VWA7: variants seen among roughly 807,000 people sequenced by gnomAD.
VWA7 encodes the protein von Willebrand factor A domain containing 7, also known as von Willebrand factor A domain-containing protein 7.
Under a neutral mutation model 83.1 loss-of-function variants are expected in VWA7, and 66 were observed. That is an observed-to-expected ratio of 0.79 (90% CI 0.65 to 0.98). The LOEUF (loss-of-function observed/expected upper bound fraction) is 0.98. Among genes scored for constraint, VWA7 ranks in the 50% least tolerant of loss-of-function variants. VWA7 has a pLI of 0.00. For synonymous variants in VWA7, 424 were observed against 488.5 expected (o/e 0.87, Z 1.74); for missense variants, 1,080 against 1,160.2 (o/e 0.93, Z 1.00).
rs749663529 is a variant in VWA7 at position 31,766,011 on chromosome 6, C to A, written c.2371G>T (p.Glu791Ter). Reference protein sequence around the residue: ...NESAWGRLWLEVPDSAAPDSV... With the variant: ...NESAWGRLWL Reference sequence around the variant, plus strand: ...TCCGGGGCCGCTGAATCTGGGACCTCCAGCCACAGGCGGCCCCAGGCCGAC... The same window carrying A: ...TCCGGGGCCGCTGAATCTGGGACCTACAGCCACAGGCGGCCCCAGGCCGAC... Residue 791 changes from glutamate to a stop codon, truncating the protein, a stop_gained, in exon 16 of 17, where the codon GAG becomes TAG. Coordinates refer to ENST00000375688, the MANE Select transcript of VWA7 (RefSeq NM_025258.3). LOFTEE classifies it high-confidence loss of function. The surrounding 1 kb of genome is among the most constrained non-coding windows in gnomAD (Gnocchi z 4.9). 15 of 1,612,796 alleles carry A rather than the reference C, an allele frequency of 9.3e-6. No individual in the cohort carries two copies. Among genetic ancestry groups the A allele is most frequent in the Non-Finnish European group, 1.2e-5 (14 of 1,180,038 alleles).
chr6:31,774,907 C>T (rs1254341267), intron 4 of VWA7, among the ~76,000 whole-genome samples: 1 of 152,036 alleles, frequency 6.6e-6, no homozygotes, highest in East Asian at 1.9e-4. Flanking sequence ...GAGCAGCCTG[C>T]GCCACACAGT....
rs1812651473 is a variant in VWA7 at position 31,776,021 on chromosome 6, C to T, written c.456G>A (p.Arg152=). ...GGCGAGCCAGGGTGTGGTCAAGGGC[C>T]CTGGCTGCCACCACGGTCTCCCGCA... ...GALRETVVAA[R]ALDHTLARQR... is the part of the protein sequence containing the mutation. Residue 152 remains arginine, a synonymous_variant, in exon 3 of 17, where the codon AGG becomes AGA. Coordinates refer to ENST00000375688, the MANE Select transcript of VWA7 (RefSeq NM_025258.3). This position sits in a 1 kb window ranked among gnomAD's most constrained non-coding sequence, Gnocchi z 6.2. 2 of 1,613,366 alleles carry T rather than the reference C, an allele frequency of 1.2e-6. No homozygotes were observed. Among genetic ancestry groups the T allele is most frequent in the Non-Finnish European group, 1.7e-6 (2 of 1,179,998 alleles).
chr6:31,766,376 G>T lies in VWA7; in HGVS notation c.2193C>A (p.Gly731=), dbSNP rs2151389271. 1 of 1,599,304 alleles carries T rather than the reference G, an allele frequency of 6.3e-7. No individual in the cohort carries two copies. The highest frequency in any genetic ancestry group is 1.1e-5 in the South Asian group (1 of 89,240). ...TGCCCGGGGCCAAGAAACCCGAGGGGCCACTAAGCTGCAGAGAAGGGTTCT... is the reference window on the plus strand; with the variant it reads ...TGCCCGGGGCCAAGAAACCCGAGGGTCCACTAAGCTGCAGAGAAGGGTTCT... ...TVVPVLLELS[G]PSGFLAPGSK... is the part of the protein sequence containing the mutation. Residue 731 remains glycine, a synonymous_variant, in exon 15 of 17, where the codon GGC becomes GGA. Coordinates refer to ENST00000375688, the MANE Select transcript of VWA7 (RefSeq NM_025258.3). The surrounding 1 kb of genome is among the most constrained non-coding windows in gnomAD (Gnocchi z 4.9).
At position 31,766,336 on chromosome 6, in the gene VWA7, T is replaced by C. The variant is rs1359593042; in HGVS notation, c.2233A>G (p.Ser745Gly). 9.3e-6 allele frequency: 15 copies of C among 1,609,556 alleles called. No homozygotes were observed. The highest frequency in any genetic ancestry group is 2.7e-5 in the African/African-American group (2 of 74,910). Residue 745 changes from serine (S) to glycine (G), a missense_variant, in exon 15 of 17, where the codon AGT becomes GGT. By Grantham distance (56) the Ser-to-Gly change is moderately conservative. Coordinates refer to ENST00000375688, the MANE Select transcript of VWA7 (RefSeq NM_025258.3). The surrounding 1 kb of genome is among the most constrained non-coding windows in gnomAD (Gnocchi z 4.9). ...CCCGAGAAGCTGGCGATGCGGAGAC[T>C]GAGCGGGACTTTGCTGCCCGGGGCC... Reference protein sequence around the residue: ...FLAPGSKVPLSLRIASFSGPQ... With the variant: ...FLAPGSKVPLGLRIASFSGPQ...
chr6:31,770,188 T>A, intron 7 of VWA7, 75 bp from the exon 8 acceptor site: 1 of 1,197,832 alleles, frequency 8.3e-7, no homozygotes, highest in Non-Finnish European at 1.2e-6. Flanking sequence ...ACCTCCCCAG[T>A]TGAGGGGCCT....
At position 31,770,038 on chromosome 6, in the gene VWA7, C is replaced by A. The variant is rs142871734; in HGVS notation, c.1163G>T (p.Gly388Val). ...QQLNEIHALG[G>V]GDEPEMCLSA... ...CAGGCACATCTCAGGCTCGTCTCCA[C>A]CCCCCAAGGCATGGATCTCATTAAG... Residue 388 changes from glycine (G) to valine (V), a missense_variant, in exon 8 of 17, where the codon GGT (glycine) becomes GTT (valine). Transcript: ENST00000375688. 890 of 1,612,750 alleles carry A rather than the reference C, an allele frequency of 5.5e-4. 5 individuals carry two copies. The African/African-American group carries it at 0.011, about 19-fold the overall frequency.
At position 31,776,157 on chromosome 6, in the gene VWA7, A is replaced by ACCT; in HGVS notation, c.317_319dup (p.Glu106dup). On this transcript the variant is annotated inframe_insertion, in exon 3 of 17. Coordinates refer to ENST00000375688, the MANE Select transcript of VWA7 (RefSeq NM_025258.3). This position sits in a 1 kb window ranked among gnomAD's most constrained non-coding sequence, Gnocchi z 6.2. ...GTCCTGGGCTGCATTGGCACGAGACACCTCACCTAAGGCTGCTCGGAACCG... is the reference window on the plus strand; with the variant it reads ...GTCCTGGGCTGCATTGGCACGAGACACCTCCTCACCTAAGGCTGCTCGGAACCG... 6.2e-7 allele frequency: 1 copy of ACCT among 1,613,900 alleles called. No individual in the cohort carries two copies. The highest frequency in any genetic ancestry group is 2.2e-5 in the East Asian group (1 of 44,876).
Position 31,775,253 on chromosome 6 carries a change from C to A in VWA7, c.610+80G>T. The A allele has an allele frequency of 7.8e-7, 1 of 1,274,412 alleles. No individual in the cohort carries two copies. The highest frequency in any genetic ancestry group is 1.1e-6 in the Non-Finnish European group (1 of 914,746). The allele number at this position is 1,274,412 out of a possible 1,614,324, so 78.9% of individuals were successfully genotyped here. The stretch of plus-strand genomic sequence containing the variant: ...TTAAGTAACATCATACCCTCTGGGA[C>A]TTCAGAATGTGACACAGTGGCTGGG... On this transcript the variant is annotated intron_variant, in intron 4 of 16. Coordinates refer to ENST00000375688, the MANE Select transcript of VWA7 (RefSeq NM_025258.3). This position sits in a 1 kb window ranked among gnomAD's most constrained non-coding sequence, Gnocchi z 5.9.
rs2151406313 is a variant in VWA7 at position 31,774,430 on chromosome 6, GCAAAGGCAT to G, written c.721+77_721+85del. 6 of 1,293,094 alleles carry G rather than the reference GCAAAGGCAT, an allele frequency of 4.6e-6. No homozygotes were observed. The East Asian group carries it at 7.3e-5, about 16-fold the overall frequency. The allele number at this position is 1,293,094 out of a possible 1,614,324, so 80.1% of individuals were successfully genotyped here. A position where few individuals can be genotyped will look rare whatever the true frequency, so the allele number is the denominator to read the frequency against. The stretch of plus-strand genomic sequence containing the variant: ...TCTCCTCCTAGGAGGAGATGCCATA[GCAAAGGCAT>G]ACGGGCCTACAGGACAGAGATCCTG... On this transcript the variant is annotated intron_variant, in intron 5 of 16. Transcript: ENST00000375688.
In VWA7 at chr6:31,777,054, C is replaced by T. The variant is rs769875281; in HGVS notation, c.-16+55G>A. The T allele has an allele frequency of 3.7e-5, 15 of 409,500 alleles. No individual in the cohort carries two copies. The highest frequency in any genetic ancestry group is 5.6e-5 in the Non-Finnish European group (13 of 231,634). 25.4% of individuals were successfully genotyped at this position (409,500 alleles called of 1,614,324 possible). On this transcript the variant is annotated intron_variant, in intron 1 of 16. Coordinates refer to ENST00000375688, the MANE Select transcript of VWA7 (RefSeq NM_025258.3). This position sits in a 1 kb window ranked among gnomAD's most constrained non-coding sequence, Gnocchi z 5.8. Reference sequence around the variant, plus strand: ...TCCCTGGCTGCGTCCCCAGCCCTGCCGCAGAAACACTCCCCATGCTCAGGA... The same window carrying T: ...TCCCTGGCTGCGTCCCCAGCCCTGCTGCAGAAACACTCCCCATGCTCAGGA...
At position 31,776,311 on chromosome 6, in the gene VWA7, A is replaced by C. The variant is rs1812685523; in HGVS notation, c.235-69T>G. 197 of 1,545,852 alleles carry C rather than the reference A, an allele frequency of 1.3e-4. No homozygotes were observed. The highest frequency in any genetic ancestry group is 1.6e-4 in the Non-Finnish European group (184 of 1,141,530). Reference sequence around the variant, plus strand: ...GATTGACTGTTGCCCACCTTATCTCAGCAACTGACACTCAAGGCTGGGTAT... The same window carrying C: ...GATTGACTGTTGCCCACCTTATCTCCGCAACTGACACTCAAGGCTGGGTAT... On this transcript the variant is annotated intron_variant, in intron 2 of 16. Coordinates refer to ENST00000375688, the MANE Select transcript of VWA7 (RefSeq NM_025258.3). The surrounding 1 kb of genome is among the most constrained non-coding windows in gnomAD (Gnocchi z 6.2).
rs745477260 is a variant in VWA7 at position 31,766,622 on chromosome 6, C to G, written c.2025G>C (p.Val675=). The G allele has an allele frequency of 1.2e-6, 2 of 1,612,940 alleles. No homozygotes were observed. Among genetic ancestry groups the G allele is most frequent in the Non-Finnish European group, 1.7e-6 (2 of 1,180,034 alleles). ...CGAGGAGACCTCGCTCCGGAGGTCCCACGGGCTCCAAGGGCACCTGGCCTA... is the reference window on the plus strand; with the variant it reads ...CGAGGAGACCTCGCTCCGGAGGTCCGACGGGCTCCAAGGGCACCTGGCCTA... ...AELGQVPLEP[V]GPPERGLLAA... Residue 675 remains valine, a synonymous_variant, in exon 14 of 17, where the codon GTG becomes GTC. Coordinates refer to ENST00000375688, the MANE Select transcript of VWA7 (RefSeq NM_025258.3). This position sits in a 1 kb window ranked among gnomAD's most constrained non-coding sequence, Gnocchi z 4.9.
At position 31,766,777 on chromosome 6, in the gene VWA7, C is replaced by G. The variant is rs1427683350; in HGVS notation, c.1883-13G>C. On this transcript the variant is annotated splice_polypyrimidine_tract_variant and intron_variant, in intron 13 of 16. Coordinates refer to ENST00000375688, the MANE Select transcript of VWA7 (RefSeq NM_025258.3). The surrounding 1 kb of genome is among the most constrained non-coding windows in gnomAD (Gnocchi z 4.9). ...TGGGTCTGAAGACCTGGGACAGGGG[C>G]GAGGAGGGGAGAACATTGTGAGATT... 1 of 1,587,068 alleles carries G rather than the reference C, an allele frequency of 6.3e-7. No homozygotes were observed. Among genetic ancestry groups the G allele is most frequent in the East Asian group, 2.3e-5 (1 of 44,296 alleles).
rs1812715907 is a variant in VWA7, at chr6:31,776,692, A to G, written c.88T>C (p.Phe30Leu). 2 of 1,523,720 alleles carry G rather than the reference A, an allele frequency of 1.3e-6. No individual in the cohort carries two copies. Among genetic ancestry groups the G allele is most frequent in the African/African-American group, 1.4e-5 (1 of 72,158 alleles). 94.4% of individuals were successfully genotyped at this position (1,523,720 alleles called of 1,614,324 possible). Residue 30 changes from phenylalanine (F) to leucine (L), a missense_variant, in exon 2 of 17, where the codon TTC becomes CTC. Phe to Leu is a conservative substitution (Grantham distance 22). Transcript: ENST00000375688. The surrounding 1 kb of genome is among the most constrained non-coding windows in gnomAD (Gnocchi z 6.2). The stretch of plus-strand genomic sequence containing the variant: ...GCCAGCAGGCTCCAGATGTTGGGGA[A>G]GAAGGCAGATGTGGGGGGCAGCAAC... ...QLLLPPTSAF[F>L]PNIWSLLAAP...
Position 31,776,596 on chromosome 6 carries a change from G to A in VWA7, c.184C>T (p.Leu62=), listed in dbSNP as rs1484777905. 6.5e-6 allele frequency: 10 copies of A among 1,549,478 alleles called. No individual in the cohort carries two copies. The highest frequency in any genetic ancestry group is 8.7e-6 in the Non-Finnish European group (10 of 1,146,426). The part of the protein sequence containing the change: ...AALNVTLQLF[L]EQPPPGRPPL... ...GGGCGGCCTGGGGGTGGCTGCTCCA[G>A]GAAGAGCTGCAGGGTGACGTTGAGC... The change falls in exon 2 of 17, where the codon CTG becomes TTG. Residue 62 remains leucine (L), a synonymous_variant. Transcript: ENST00000375688. The surrounding 1 kb of genome is among the most constrained non-coding windows in gnomAD (Gnocchi z 6.2).
In VWA7 at chr6:31,766,153, G is replaced by T; in HGVS notation, c.2324+92C>A. The T allele has an allele frequency of 1.9e-6, 3 of 1,593,896 alleles. No homozygotes were observed. Among genetic ancestry groups the T allele is most frequent in the Non-Finnish European group, 2.6e-6 (3 of 1,168,976 alleles). ...GCACGGGAGCGGAGAGGAGGATTCTGAGGGCCAGTCGGAGGGGGACAGGGG... is the reference window on the plus strand; with the variant it reads ...GCACGGGAGCGGAGAGGAGGATTCTTAGGGCCAGTCGGAGGGGGACAGGGG... On this transcript the variant is annotated intron_variant, in intron 15 of 16. Transcript: ENST00000375688. The surrounding 1 kb of genome is among the most constrained non-coding windows in gnomAD (Gnocchi z 4.9).
Position 31,769,366 on chromosome 6 carries a change from T to C in VWA7, c.1318-163A>G, listed in dbSNP as rs1244222909. Among the ~76,000 whole-genome samples the C allele has an allele frequency of 6.6e-6, 1 of 152,228 alleles. No homozygotes were observed. Among genetic ancestry groups the C allele is most frequent in the Non-Finnish European group, 1.5e-5 (1 of 68,032 alleles). On this transcript the variant is annotated intron_variant, in intron 9 of 16. Coordinates refer to ENST00000375688, the MANE Select transcript of VWA7 (RefSeq NM_025258.3). This position sits in a 1 kb window ranked among gnomAD's most constrained non-coding sequence, Gnocchi z 4.5. Reference sequence around the variant, plus strand: ...GGGGAATCCCAATGACAGAACCCCCTGCCTTCAGTTAGTAGTTGGCCACCC... The same window carrying C: ...GGGGAATCCCAATGACAGAACCCCCCGCCTTCAGTTAGTAGTTGGCCACCC...
intron 7 of VWA7, among the ~76,000 whole-genome samples, chr6:31,772,140 A>C (rs1266201364): frequency 5.3e-5 from 8 of 150,552 alleles, no homozygotes; most frequent in Admixed American, 5.3e-4. Flanking sequence ...TCTGCTAGTT[A>C]TCTTTTTTTT....
In VWA7 at chr6:31,767,399, C is replaced by A; in HGVS notation, c.1752G>T (p.Gln584His). ...DPPQTGTWEI[Q>H]VTAEDTPGVR... ...CCCCAGGGGTGTCCTCAGCTGTGAC[C>A]TGGATCTCCCAGGTTCCTGTCTGTG... The change falls in exon 12 of 17, where the codon CAG (glutamine) becomes CAT (histidine). Residue 584 changes from glutamine (Q) to histidine (H), a missense_variant. Gln to His is a conservative substitution (Grantham distance 24, BLOSUM62 0). Transcript: ENST00000375688. The A allele has an allele frequency of 6.2e-7, 1 of 1,613,192 alleles. No homozygotes were observed. Among genetic ancestry groups the A allele is most frequent in the East Asian group, 2.2e-5 (1 of 44,870 alleles).
Sources: gnomAD v4.1 joint callset for allele counts (sites outside exome capture counted in the v4.1 genomes callset) on GRCh38, gnomAD v4.1.1 for gene constraint, Gnocchi (gnomAD v3.1) non-coding constraint, MANE v1.5 for transcripts, NCBI Gene and HGNC (gene_info 2026-07-23, HGNC 2026-07-21) for gene names.